CLCN1: variants seen among roughly 807,000 people sequenced by gnomAD.
The protein encoded by CLCN1 is chloride channel protein 1.
In CLCN1, 100 loss-of-function variants were observed where a neutral mutation model predicts 114.5. The ratio of observed to expected loss-of-function variants is 0.87; its 90% confidence interval spans 0.74 to 1.03. The LOEUF is 1.03. CLCN1 is among the 50% of genes least tolerant of loss of function. The pLI is 0.00. For synonymous variants in CLCN1, 485 were observed against 487.1 expected, an observed-to-expected ratio of 1.00 and a Z score of 0.06; for missense variants, 1,188 against 1,250.0, an observed-to-expected ratio of 0.95 and a Z score of 0.75.
chr7:143,341,583 A>G (rs1447273686), intron 14 of CLCN1, among the ~76,000 whole-genome samples: 2 of 150,008 alleles, frequency 1.3e-5, no homozygotes, highest in East Asian at 3.9e-4. Context: ...AATAATAATA[A>G]TAATAATAAT....
chr7:143,317,127 T>C (rs1586480274), intron 1 of CLCN1, among the ~76,000 whole-genome samples: 2 of 151,956 alleles, frequency 1.3e-5, no homozygotes, highest in East Asian at 3.9e-4. Context: ...AAAGGAAAGG[T>C]TGTGAAATTG....
intron 22 of CLCN1, 85 bp from the exon 23 acceptor site, chr7:143,351,502 ATTGTACC>A: frequency 7.2e-7 from 1 of 1,394,332 alleles, no homozygotes. Context: ...TTTTCCTTTC[ATTGTACC>A]TGTTCTTTTC....
chr7:143,345,738 CG>C lies in CLCN1; in HGVS notation c.2149del (p.Glu717LysfsTer77), dbSNP rs1563087306. ...TCGCCTTTGTGGATGAGGATGAGGA[CG>C]AAGACCTCTCTGGCAAGAGCGAGGT... Reference protein sequence around the residue: ...SFAFVDEDEDEDLSGKSELPP... With the variant: ...SFAFVDEDEDXDLSGKSELPP... On this transcript the variant is annotated frameshift_variant, in exon 17 of 23. Transcript: ENST00000343257. LOFTEE classifies it high-confidence loss of function. 6 of 1,596,030 alleles carry C rather than the reference CG, an allele frequency of 3.8e-6. No homozygotes were observed. Among genetic ancestry groups the C allele is most frequent in the African/African-American group, 1.3e-5 (1 of 74,642 alleles).
chr7:143,329,179 G>A (rs1416799450), intron 7 of CLCN1, among the ~76,000 whole-genome samples: 1 of 152,026 alleles, frequency 6.6e-6, no homozygotes, highest in African/African-American at 2.4e-5. Context: ...TGTTGGCCAG[G>A]CTGGCCTCGA....
At chr7:143,341,789 A>T in intron 14 of CLCN1, 140 bp from the exon 15 acceptor site, 2 of 717,104 alleles carry the variant, frequency 2.8e-6, no homozygotes, top group Non-Finnish European at 5.1e-6. Flanking sequence ...TCTATTCCCT[A>T]CTCTTGACAA....
intron 5 of CLCN1, among the ~76,000 whole-genome samples, chr7:143,322,295 T>C (rs1192720840): frequency 1.3e-5 from 2 of 152,140 alleles, no homozygotes; most frequent in Non-Finnish European, 2.9e-5. Context: ...ACCAATTCTC[T>C]TGCTTGAATC....
intron 7 of CLCN1, among the ~76,000 whole-genome samples, chr7:143,327,247 T>TA (rs757866890): frequency 5.3e-4 from 11 of 20,592 alleles, no homozygotes; most frequent in African/African-American, 6.3e-4. Flanking sequence ...GACTCCATCT[T>TA]AAAAAAAAAA....
rs1803358987 is a variant in CLCN1, at chr7:143,350,383, G to A, written c.2415G>A (p.Trp805Ter). 6.2e-7 allele frequency: 1 copy of A among 1,613,708 alleles called. No homozygotes were observed. The highest frequency in any genetic ancestry group is 1.3e-5 in the African/African-American group (1 of 74,914). The stretch of plus-strand genomic sequence containing the variant: ...CCTCTGGCTGACAGATTGAGGCCTG[G>A]GAGCAGGAGCAGCTGAGCCAGCCTG... Reference protein sequence around the residue: ...DNMSPEEIEAWEQEQLSQPVC... With the variant: ...DNMSPEEIEA Residue 805 changes from tryptophan to a stop codon, truncating the protein, a stop_gained, in exon 21 of 23, where the codon TGG becomes TGA. Coordinates refer to ENST00000343257, the MANE Select transcript of CLCN1 (RefSeq NM_000083.3). LOFTEE classifies it high-confidence loss of function. The surrounding 1 kb of genome is among the most constrained non-coding windows in gnomAD (Gnocchi z 5.1).
rs755182969 is a variant in CLCN1, at chr7:143,339,589, A to T, written c.1550A>T (p.Tyr517Phe). 13 of 1,612,720 alleles carry T rather than the reference A, an allele frequency of 8.1e-6. No individual in the cohort carries two copies. In the Admixed American group the frequency reaches 1.0e-4, roughly 12 times the overall value. ...PDGILFDDII[Y>F]KILPGGYAVI... Reference sequence around the variant, plus strand: ...GGTATTTTGTTTGATGACATCATCTACAAGATCCTACCTGGGGGCTATGCA... The same window carrying T: ...GGTATTTTGTTTGATGACATCATCTTCAAGATCCTACCTGGGGGCTATGCA... Residue 517 changes from tyrosine to phenylalanine, a missense_variant, in exon 14 of 23, where the codon TAC becomes TTC. Transcript: ENST00000343257. The surrounding 1 kb of genome is among the most constrained non-coding windows in gnomAD (Gnocchi z 4.1).
rs1803240251 is a variant in CLCN1 at position 143,346,209 on chromosome 7, C to T, written c.2242C>T (p.Leu748=). The change falls in exon 18 of 23, where the codon CTG becomes TTG. Residue 748 remains leucine, a synonymous_variant. Transcript: ENST00000343257. ...PLSPEEPNGP[L]PGHKQQPEAP... ...GTCCCCAGAAGAGCCCAATGGGCCT[C>T]TGCCTGGCCACAAACAGCAGCCGGA... is the stretch of plus-strand genomic sequence containing the variant. 4 of 1,613,864 alleles carry T rather than the reference C, an allele frequency of 2.5e-6. No individual in the cohort carries two copies. Among genetic ancestry groups the T allele is most frequent in the Admixed American group, 1.7e-5 (1 of 60,026 alleles).
chr7:143,325,227 A>G (rs953203087), intron 7 of CLCN1, among the ~76,000 whole-genome samples: 1 of 152,248 alleles, frequency 6.6e-6, no homozygotes, highest in Admixed American at 6.5e-5. Context: ...TTCATTGATG[A>G]TAAAAAGGAC....
intron 7 of CLCN1, among the ~76,000 whole-genome samples, chr7:143,326,192 A>G (rs1045738907): frequency 3.3e-5 from 5 of 151,298 alleles, no homozygotes; most frequent in South Asian, 4.2e-4. Flanking sequence ...AATTTTTTGT[A>G]TTTTTAGTAG....
In CLCN1 at chr7:143,345,719, T is replaced by C. The variant is rs1803221791; in HGVS notation, c.2129T>C (p.Phe710Ser). Residue 710 changes from phenylalanine (F) to serine (S), a missense_variant, in exon 17 of 23, where the codon TTT (phenylalanine) becomes TCT (serine). Phe to Ser is a radical substitution (Grantham distance 155). Coordinates refer to ENST00000343257, the MANE Select transcript of CLCN1 (RefSeq NM_000083.3). ...APPGRPESFA[F>S]VDEDEDEDLS... ...CCAGGCCGGCCCGAGTCCTTCGCCT[T>C]TGTGGATGAGGATGAGGACGAAGAC... 1 of 1,581,416 alleles carries C rather than the reference T, an allele frequency of 6.3e-7. No homozygotes were observed. The highest frequency in any genetic ancestry group is 1.2e-5 in the South Asian group (1 of 86,312).
Position 143,350,602 on chromosome 7 carries a change from T to C in CLCN1, c.2543T>C (p.Leu848Pro), listed in dbSNP as rs1803368675. The C allele has an allele frequency of 6.2e-7, 1 of 1,613,988 alleles. No homozygotes were observed. The highest frequency in any genetic ancestry group is 1.7e-5 in the Admixed American group (1 of 59,996). The change falls in exon 22 of 23, where the codon CTC becomes CCC. Residue 848 changes from leucine (L) to proline (P), a missense_variant. Transcript: ENST00000343257. This position sits in a 1 kb window ranked among gnomAD's most constrained non-coding sequence, Gnocchi z 5.1. ...CTGTTTTCACTCCTTGGCCTCCACC[T>C]CGCTTACGTGACCAGCATGGGGAAG... Reference protein sequence around the residue: ...HTLFSLLGLHLAYVTSMGKLR... With the variant: ...HTLFSLLGLHPAYVTSMGKLR...
At chr7:143,341,325 G>A (rs1227861377) in intron 14 of CLCN1, among the ~76,000 whole-genome samples, 2 of 152,068 alleles carry the variant, frequency 1.3e-5, no homozygotes, top group Non-Finnish European at 2.9e-5. Context: ...TTGGGAGGCC[G>A]AGGCAGGCAG....
chr7:143,321,643 C>G lies in CLCN1; in HGVS notation c.563-72C>G, dbSNP rs1802437779. 2 of 1,609,184 alleles carry G rather than the reference C, an allele frequency of 1.2e-6. No individual in the cohort carries two copies. The highest frequency in any genetic ancestry group is 2.7e-5 in the African/African-American group (2 of 74,946). ...TCTTCAGCCCTCTCCAATTCCCATT[C>G]CCATATTCTGGACATTCATCTCCCT... On this transcript the variant is annotated intron_variant, in intron 4 of 22. Coordinates refer to ENST00000343257, the MANE Select transcript of CLCN1 (RefSeq NM_000083.3). The surrounding 1 kb of genome is among the most constrained non-coding windows in gnomAD (Gnocchi z 4.2).
At chr7:143,335,817 G>A (rs1011879519) in intron 12 of CLCN1, among the ~76,000 whole-genome samples, 2 of 151,822 alleles carry the variant, frequency 1.3e-5, no homozygotes, top group African/African-American at 4.8e-5. Context: ...CCGCCACCAC[G>A]CCCAGCTAAT....
At chr7:143,338,082 G>A (rs1802961409) in intron 12 of CLCN1, among the ~76,000 whole-genome samples, 1 of 151,970 alleles carries the variant, frequency 6.6e-6, no homozygotes, top group South Asian at 2.1e-4. Flanking sequence ...CTGACCTCGT[G>A]ATCTGCCCAC....
At chr7:143,328,904 C>T (rs1293250123) in intron 7 of CLCN1, among the ~76,000 whole-genome samples, 1 of 151,930 alleles carries the variant, frequency 6.6e-6, no homozygotes, top group African/African-American at 2.4e-5. Flanking sequence ...AGAGAATAGA[C>T]ATTCAGCCCT....
Sources: allele counts gnomAD v4.1 joint callset (sites outside exome capture counted in the v4.1 genomes callset), GRCh38; gene constraint gnomAD v4.1.1; non-coding constraint Gnocchi (gnomAD v3.1); transcripts MANE v1.5; gene names NCBI Gene and HGNC (gene_info 2026-07-23, HGNC 2026-07-21).